SAMTOR: variants seen among roughly 807,000 people sequenced by gnomAD.
The protein encoded by SAMTOR is UPF0532 protein C7orf60.
the SAMTOR span, among the ~76,000 whole-genome samples, chr7:112,833,418 T>A: frequency 2.0e-5 from 3 of 152,168 alleles, no homozygotes; most frequent in Admixed American, 2.0e-4. Context: ...TTAGACTTTT[T>A]CCCAGAATTA....
At chr7:112,832,533 T>C in the SAMTOR span, 6 of 1,263,666 alleles carry the variant, frequency 4.7e-6, no homozygotes, top group Non-Finnish European at 6.9e-6. Context: ...TGTAAAATAT[T>C]AAAGTCCAAA....
the SAMTOR span, among the ~76,000 whole-genome samples, chr7:112,839,240 A>G: frequency 3.7e-4 from 56 of 151,904 alleles, no homozygotes; most frequent in Non-Finnish European, 6.3e-4. Flanking sequence ...ACTTTAACAC[A>G]ATGATTTAAA....
At chr7:112,864,498 A>G in the SAMTOR span, among the ~76,000 whole-genome samples, 4 of 152,202 alleles carry the variant, frequency 2.6e-5, no homozygotes, top group Non-Finnish European at 4.4e-5. Flanking sequence ...AATCCATAAC[A>G]GTACAAAGAT....
the SAMTOR span, among the ~76,000 whole-genome samples, chr7:112,868,126 G>A: frequency 1.3e-5 from 2 of 152,178 alleles, no homozygotes; most frequent in South Asian, 4.1e-4. Flanking sequence ...ACTGGTCTCT[G>A]GTGCCAAAAG....
the SAMTOR span, among the ~76,000 whole-genome samples, chr7:112,844,623 C>T: frequency 6.6e-6 from 1 of 152,174 alleles, no homozygotes; most frequent in South Asian, 2.1e-4. Flanking sequence ...AAAAACATTC[C>T]ATGTTCATGC....
the SAMTOR span, among the ~76,000 whole-genome samples, chr7:112,895,271 A>G: frequency 6.6e-6 from 1 of 151,332 alleles, no homozygotes. Context: ...TATAGCCATA[A>G]CATATATGTA....
At chr7:112,862,803 C>A in the SAMTOR span, among the ~76,000 whole-genome samples, 3 of 151,960 alleles carry the variant, frequency 2.0e-5, no homozygotes, top group Non-Finnish European at 2.9e-5. Context: ...GTGGAAGACA[C>A]CTGTAATCCC....
At chr7:112,848,996 C>T in the SAMTOR span, among the ~76,000 whole-genome samples, 2 of 151,234 alleles carry the variant, frequency 1.3e-5, no homozygotes, top group East Asian at 1.9e-4. Context: ...TTGCAGTGAT[C>T]CAAGATTGTG....
chr7:112,939,012 G>C, the SAMTOR span, among the ~76,000 whole-genome samples: 1 of 152,166 alleles, frequency 6.6e-6, no homozygotes, highest in African/African-American at 2.4e-5. Flanking sequence ...AGTGTAGCCC[G>C]CCCCCTTTTA....
the SAMTOR span, among the ~76,000 whole-genome samples, chr7:112,873,585 C>T: frequency 3.9e-5 from 6 of 152,186 alleles, no homozygotes; most frequent in South Asian, 4.1e-4. Context: ...TAAAGGCTTA[C>T]GTGAAGACCA....
At chr7:112,906,569 A>T in the SAMTOR span, among the ~76,000 whole-genome samples, 3 of 88,364 alleles carry the variant, frequency 3.4e-5, no homozygotes, top group African/African-American at 1.0e-4. Flanking sequence ...ATGGAAAGAC[A>T]TATCTTTTTT....
At chr7:112,930,342 G>T in the SAMTOR span, among the ~76,000 whole-genome samples, 6 of 152,052 alleles carry the variant, frequency 3.9e-5, no homozygotes, top group South Asian at 1.2e-3. Flanking sequence ...AACATCCAAG[G>T]TGTTTGGTAA....
chr7:112,914,498 A>C, the SAMTOR span, among the ~76,000 whole-genome samples: 2 of 152,032 alleles, frequency 1.3e-5, no homozygotes, highest in Non-Finnish European at 2.9e-5. Context: ...GCATTATTTC[A>C]TTTTCTGATA....
At chr7:112,823,830 G>A in the SAMTOR span, among the ~76,000 whole-genome samples, 1 of 152,118 alleles carries the variant, frequency 6.6e-6, no homozygotes, top group Admixed American at 6.5e-5. Flanking sequence ...ATCAACTCTT[G>A]GTATAGCTAG....
the SAMTOR span, among the ~76,000 whole-genome samples, chr7:112,878,827 T>C: frequency 2.0e-5 from 3 of 152,078 alleles, no homozygotes; most frequent in Admixed American, 1.3e-4. Flanking sequence ...GCTGGCATTA[T>C]TGGGTTTGTA....
chr7:112,918,447 G>A, the SAMTOR span, among the ~76,000 whole-genome samples: 2 of 152,154 alleles, frequency 1.3e-5, no homozygotes, highest in African/African-American at 4.8e-5. Context: ...CCTGAAGGAA[G>A]CACTAAACAT....
chr7:112,837,103 A>T, the SAMTOR span, among the ~76,000 whole-genome samples: 9 of 151,668 alleles, frequency 5.9e-5, no homozygotes, highest in Non-Finnish European at 1.2e-4. Context: ...TGTTTGTGTC[A>T]TCTCTGATTC....
At chr7:112,917,400 A>G in the SAMTOR span, among the ~76,000 whole-genome samples, 14 of 152,354 alleles carry the variant, frequency 9.2e-5, 1 homozygote, top group South Asian at 2.9e-3. Context: ...GTCTGTTAGA[A>G]AGAAAACTAA....
the SAMTOR span, among the ~76,000 whole-genome samples, chr7:112,857,160 C>G: frequency 6.9e-6 from 1 of 145,914 alleles, no homozygotes; most frequent in Admixed American, 6.9e-5. Context: ...GGCGCAATCT[C>G]GGCTCACTGC....
Sources: allele counts gnomAD v4.1 joint callset (sites outside exome capture counted in the v4.1 genomes callset), GRCh38; gene constraint gnomAD v4.1.1; transcripts MANE v1.5; gene names NCBI Gene and HGNC (gene_info 2026-07-23, HGNC 2026-07-21).